Variants in TENM2 observed in about 807,000 individuals in gnomAD.
TENM2 encodes the protein teneurin transmembrane protein 2.
A neutral mutation model predicts 245.2 loss-of-function variants in TENM2; 52 were observed. The observed-to-expected ratio is 0.21, with a 90% CI of 0.17 to 0.27. TENM2 has a LOEUF of 0.27. Ranked by LOEUF, TENM2 falls within the 10% of genes least tolerant of loss-of-function variation. TENM2 has a pLI of 1.00. For missense variants in TENM2, 3,046 were observed against 3,666.8 expected, an observed-to-expected ratio of 0.83 and a Z score of 4.37; for synonymous variants, 1,363 against 1,438.9, an observed-to-expected ratio of 0.95 and a Z score of 1.19.
chr5:167,278,997 T>G, the TENM2 span, among the ~76,000 whole-genome samples: 1 of 152,208 alleles, frequency 6.6e-6, no homozygotes, highest in African/African-American at 2.4e-5. Context: ...TTGTCCTCCA[T>G]CTGATAATTT....
At chr5:167,714,491 T>A (rs1759123967) in intron 2 of TENM2, among the ~76,000 whole-genome samples, 1 of 152,168 alleles carries the variant, frequency 6.6e-6, no homozygotes, top group African/African-American at 2.4e-5. Context: ...TTAGCTGAAT[T>A]ACCCAAGTCC....
chr5:167,967,564 G>A (rs1015779438), intron 4 of TENM2, among the ~76,000 whole-genome samples: 2 of 152,106 alleles, frequency 1.3e-5, no homozygotes, highest in African/African-American at 4.8e-5. Context: ...AAAACTTATT[G>A]AGGAATTGAA....
At chr5:167,158,574 A>C in the TENM2 span, among the ~76,000 whole-genome samples, 1 of 152,122 alleles carries the variant, frequency 6.6e-6, no homozygotes. Flanking sequence ...GTGCCAGCTG[A>C]TCTGGTGCAG....
chr5:167,277,764 T>A, the TENM2 span, among the ~76,000 whole-genome samples: 1 of 152,184 alleles, frequency 6.6e-6, no homozygotes, highest in Non-Finnish European at 1.5e-5. Flanking sequence ...ATCATTTTTT[T>A]GTTTCACATA....
At chr5:167,762,135 C>CCTCT (rs149957987) in intron 2 of TENM2, among the ~76,000 whole-genome samples, 2 of 150,758 alleles carry the variant, frequency 1.3e-5, no homozygotes, top group African/African-American at 2.4e-5. Context: ...CTTTCTCTCT[C>CCTCT]CTCTCTCTCT....
intron 13 of TENM2, among the ~76,000 whole-genome samples, chr5:168,173,215 A>G (rs1759011410): frequency 6.6e-6 from 1 of 152,144 alleles, no homozygotes; most frequent in African/African-American, 2.4e-5. Flanking sequence ...AGGCTAAACT[A>G]TAGAGTCCCC....
At chr5:167,888,486 A>G (rs1451254373) in intron 3 of TENM2, among the ~76,000 whole-genome samples, 1 of 152,194 alleles carries the variant, frequency 6.6e-6, no homozygotes, top group Non-Finnish European at 1.5e-5. Flanking sequence ...CCAAAAAAAA[A>G]GTGGAGGCAG....
At chr5:167,855,200 T>C (rs1025391800) in intron 2 of TENM2, among the ~76,000 whole-genome samples, 5 of 152,082 alleles carry the variant, frequency 3.3e-5, no homozygotes, top group African/African-American at 1.2e-4. Context: ...CCTGTGTTGG[T>C]GCTATTTCTT....
chr5:167,440,134 T>C (rs992643720), intron 2 of TENM2, among the ~76,000 whole-genome samples: 4 of 152,176 alleles, frequency 2.6e-5, no homozygotes, highest in African/African-American at 9.7e-5. Context: ...TATAACCAGA[T>C]CCAGTTTTAA....
intron 20 of TENM2, chr5:168,214,760 C>G (rs552707143): frequency 1.9e-6 from 1 of 525,548 alleles, no homozygotes; most frequent in Admixed American, 2.3e-5. Flanking sequence ...AAAACAGGAT[C>G]GGAGTGGGAG....
At chr5:167,248,626 C>CTG in the TENM2 span, among the ~76,000 whole-genome samples, 15 of 151,728 alleles carry the variant, frequency 9.9e-5, no homozygotes, top group African/African-American at 3.6e-4. Context: ...TGAATTGATG[C>CTG]TGTGTGTGTG....
At chr5:167,859,351 C>T (rs1191957011) in intron 2 of TENM2, among the ~76,000 whole-genome samples, 215 of 141,738 alleles carry the variant, frequency 1.5e-3, no homozygotes, top group African/African-American at 5.8e-3. Context: ...CGTCTCCGCC[C>T]GGCAGCCACC....
chr5:167,187,471 A>G, the TENM2 span, among the ~76,000 whole-genome samples: 2 of 152,178 alleles, frequency 1.3e-5, no homozygotes, highest in African/African-American at 2.4e-5. Context: ...TTAGCTTTAC[A>G]TGACAGATGT....
intron 2 of TENM2, among the ~76,000 whole-genome samples, chr5:167,448,131 G>A (rs1022970416): frequency 1.3e-5 from 2 of 152,134 alleles, no homozygotes; most frequent in African/African-American, 4.8e-5. Flanking sequence ...CAGAATTATT[G>A]ATATGGCAAA....
intron 4 of TENM2, among the ~76,000 whole-genome samples, chr5:167,988,615 G>C (rs1783424498): frequency 6.6e-6 from 1 of 152,162 alleles, no homozygotes; most frequent in Non-Finnish European, 1.5e-5. Flanking sequence ...GATGTGATAT[G>C]ATGGGCAATA....
chr5:167,780,521 G>A (rs914146264), intron 2 of TENM2, among the ~76,000 whole-genome samples: 4 of 152,116 alleles, frequency 2.6e-5, no homozygotes, highest in Admixed American at 1.3e-4. Context: ...TGGCCCCTGA[G>A]CATATTGCTT....
intron 3 of TENM2, among the ~76,000 whole-genome samples, chr5:167,882,052 T>A (rs1009276026): frequency 2.0e-5 from 3 of 152,162 alleles, no homozygotes; most frequent in Non-Finnish European, 4.4e-5. Context: ...GCTTCAACCT[T>A]AACCTTCCTA....
At chr5:167,918,113 TG>T (rs1777085135) in intron 3 of TENM2, among the ~76,000 whole-genome samples, 2 of 152,248 alleles carry the variant, frequency 1.3e-5, no homozygotes, top group South Asian at 4.1e-4. Context: ...AAACACTGCC[TG>T]CTTTTCAAAA....
chr5:167,614,210 A>G (rs1379321770), intron 2 of TENM2, among the ~76,000 whole-genome samples: 3 of 152,134 alleles, frequency 2.0e-5, no homozygotes, highest in African/African-American at 7.2e-5. Flanking sequence ...TTTTATGAGA[A>G]ATTTCCTATC....
Sources: allele counts gnomAD v4.1 joint callset (sites outside exome capture counted in the v4.1 genomes callset), GRCh38; gene constraint gnomAD v4.1.1; transcripts MANE v1.5; gene names NCBI Gene and HGNC (gene_info 2026-07-23, HGNC 2026-07-21).